Variants in ADAM23 observed in about 807,000 individuals in gnomAD.
ADAM23 encodes disintegrin and metalloproteinase domain-containing protein 23.
Under a neutral mutation model 120.1 loss-of-function variants are expected in ADAM23, and 33 were observed. The ratio of observed to expected loss-of-function variants is 0.27; its 90% confidence interval spans 0.21 to 0.37. The LOEUF (loss-of-function observed/expected upper bound fraction) is 0.37, where lower values mean the gene tolerates loss of function less well. Ranked by LOEUF, ADAM23 falls within the 10% of genes least tolerant of loss-of-function variation. The pLI is 1.00. For missense variants in ADAM23, 862 were observed against 1,058.2 expected, an observed-to-expected ratio of 0.81 and a Z score of 2.57; for synonymous variants, 367 against 375.2, an observed-to-expected ratio of 0.98 and a Z score of 0.25.
chr2:206,483,868 G>A (rs575482250), intron 3 of ADAM23, among the ~76,000 whole-genome samples: 9 of 152,084 alleles, frequency 5.9e-5, no homozygotes, highest in Non-Finnish European at 1.2e-4. Context: ...AGGAGATGAT[G>A]TGGAGGCAGC....
chr2:206,554,880 C>T (rs1697610081), intron 9 of ADAM23, among the ~76,000 whole-genome samples: 2 of 152,286 alleles, frequency 1.3e-5, no homozygotes, highest in South Asian at 4.1e-4. Flanking sequence ...GTCTTACTCT[C>T]TCAGCAATAT....
At chr2:206,446,553 A>C (rs1187622974) in intron 2 of ADAM23, among the ~76,000 whole-genome samples, 1 of 152,098 alleles carries the variant, frequency 6.6e-6, no homozygotes, top group East Asian at 1.9e-4. Flanking sequence ...CCATTTTACA[A>C]ATGGGGAGCT....
chr2:206,554,097 T>G (rs1014726102), intron 9 of ADAM23, among the ~76,000 whole-genome samples: 1 of 152,238 alleles, frequency 6.6e-6, no homozygotes, highest in South Asian at 2.1e-4. Flanking sequence ...TTCTAATTCA[T>G]GCAGGAAATA....
intron 9 of ADAM23, among the ~76,000 whole-genome samples, chr2:206,555,357 T>C (rs998842844): frequency 1.3e-5 from 2 of 152,174 alleles, no homozygotes; most frequent in Admixed American, 6.5e-5. Flanking sequence ...TTCTCTTTCC[T>C]CACCTTCCAC....
chr2:206,602,966 T>G (rs1415347657), intron 24 of ADAM23, among the ~76,000 whole-genome samples: 3 of 152,102 alleles, frequency 2.0e-5, no homozygotes, highest in Non-Finnish European at 4.4e-5. Context: ...GAAAAGTAAG[T>G]GTATCAAAGA....
chr2:206,497,364 A>G (rs1696275994), intron 3 of ADAM23, among the ~76,000 whole-genome samples: 2 of 152,208 alleles, frequency 1.3e-5, no homozygotes, highest in Non-Finnish European at 1.5e-5. Context: ...AAATCAATAA[A>G]TGTAATCCAG....
intron 3 of ADAM23, among the ~76,000 whole-genome samples, chr2:206,492,671 C>G (rs1696158636): frequency 6.6e-6 from 1 of 152,040 alleles, no homozygotes; most frequent in Non-Finnish European, 1.5e-5. Flanking sequence ...GCAATTCTCC[C>G]AAAGCCTTTA....
At chr2:206,599,371 G>T (rs1698593211) in intron 24 of ADAM23, among the ~76,000 whole-genome samples, 1 of 151,960 alleles carries the variant, frequency 6.6e-6, no homozygotes, top group Non-Finnish European at 1.5e-5. Flanking sequence ...AATTGAAAAT[G>T]TCATTAAATG....
intron 3 of ADAM23, among the ~76,000 whole-genome samples, chr2:206,491,071 T>C (rs1696124251): frequency 6.6e-6 from 1 of 152,162 alleles, no homozygotes; most frequent in African/African-American, 2.4e-5. Flanking sequence ...TTGATACTTA[T>C]ATACTGATTC....
chr2:206,589,549 C>G, intron 21 of ADAM23, 35 bp downstream of exon 21: 1 of 1,544,306 alleles, frequency 6.5e-7, no homozygotes, highest in Non-Finnish European at 8.8e-7. Context: ...AGTCACTGGA[C>G]TTGGAAGCCC....
intron 17 of ADAM23, 90 bp downstream of exon 17, chr2:206,571,906 C>A: frequency 1.7e-6 from 2 of 1,193,634 alleles, no homozygotes; most frequent in Non-Finnish European, 2.5e-6. Flanking sequence ...TAGCTTGTCA[C>A]AAATTTCTTG....
chr2:206,452,861 T>A (rs1026862496), intron 2 of ADAM23, among the ~76,000 whole-genome samples: 1 of 152,156 alleles, frequency 6.6e-6, no homozygotes, highest in Non-Finnish European at 1.5e-5. Context: ...GCTGATTAAG[T>A]CTTGACGTGT....
intron 20 of ADAM23, 78 bp downstream of exon 20, chr2:206,588,232 G>C: frequency 1.4e-6 from 2 of 1,463,436 alleles, no homozygotes; most frequent in Non-Finnish European, 1.9e-6. Context: ...GTCTTGCTGA[G>C]AGAGATGCAC....
intron 3 of ADAM23, among the ~76,000 whole-genome samples, chr2:206,492,619 G>T (rs1359655882): frequency 1.3e-5 from 2 of 152,134 alleles, no homozygotes; most frequent in African/African-American, 4.8e-5. Flanking sequence ...GTGCCTTGTT[G>T]CTGTGTCCTC....
chr2:206,567,297 C>T lies in ADAM23; in HGVS notation c.1469C>T (p.Ala490Val). The part of the protein sequence containing the change: ...YRDFLQRGGG[A>V]CLFNRPTKLF... ...GACTTTTTACAGAGAGGAGGTGGAG[C>T]CTGCCTTTTCAACAGGCCAACAAAG... The change falls in exon 15 of 26, where the codon GCC becomes GTC. Residue 490 changes from alanine (A) to valine (V), a missense_variant. By Grantham distance (64) the Ala-to-Val change is moderately conservative. This residue lies in a region of ADAM23 where 617 missense variants were observed against 813.5 expected (regional missense o/e 0.76). Coordinates refer to ENST00000264377, the MANE Select transcript of ADAM23 (RefSeq NM_003812.4). 1 of 1,613,734 alleles carries T rather than the reference C, an allele frequency of 6.2e-7. No homozygotes were observed.
intron 2 of ADAM23, among the ~76,000 whole-genome samples, chr2:206,458,986 G>A (rs1388750688): frequency 6.6e-6 from 1 of 152,202 alleles, no homozygotes; most frequent in African/African-American, 2.4e-5. Context: ...AATTGAATAT[G>A]TTATGACAAG....
At position 206,561,202 on chromosome 2, in the gene ADAM23, G is replaced by GTGT; in HGVS notation, c.1245_1247dup (p.Val416dup). On this transcript the variant is annotated inframe_insertion, in exon 12 of 26. Coordinates refer to ENST00000264377, the MANE Select transcript of ADAM23 (RefSeq NM_003812.4). ...GTCTGTTCTCGCACAAGAGGAGTTGGTGTGAATGAGGTAAATTTTACCAAT... is the reference window on the plus strand; with the variant it reads ...GTCTGTTCTCGCACAAGAGGAGTTGGTGTTGTGAATGAGGTAAATTTTACCAAT... 6.2e-7 allele frequency: 1 copy of GTGT among 1,613,722 alleles called. No individual in the cohort carries two copies. The highest frequency in any genetic ancestry group is 8.5e-7 in the Non-Finnish European group (1 of 1,179,678).
rs1695350585 is a variant in ADAM23 at position 206,458,595 on chromosome 2, C to T, written c.432+13071C>T. Among the ~76,000 whole-genome samples the T allele has an allele frequency of 2.0e-5, 3 of 152,306 alleles. 1 individual carries two copies. In the South Asian group the frequency reaches 6.2e-4, roughly 32 times the overall value. On this transcript the variant is annotated intron_variant, in intron 2 of 25. Coordinates refer to ENST00000264377, the MANE Select transcript of ADAM23 (RefSeq NM_003812.4). ...CATAAACCTTTGCCTATAATCAGGGCACTCTAAGTCAGGCTTGGATATTAG... is the reference window on the plus strand; with the variant it reads ...CATAAACCTTTGCCTATAATCAGGGTACTCTAAGTCAGGCTTGGATATTAG...
intron 9 of ADAM23, among the ~76,000 whole-genome samples, chr2:206,551,692 G>C (rs766161445): frequency 7.2e-5 from 11 of 152,100 alleles, no homozygotes; most frequent in Non-Finnish European, 1.6e-4. Flanking sequence ...AGAATGCCTT[G>C]AAACTAGAAA....
Sources: allele counts gnomAD v4.1 joint callset (sites outside exome capture counted in the v4.1 genomes callset), GRCh38; gene constraint gnomAD v4.1.1; regional missense constraint gnomAD v4.1.1; transcripts MANE v1.5; gene names NCBI Gene and HGNC (gene_info 2026-07-23, HGNC 2026-07-21).